MPDZ: variants seen among roughly 807,000 people sequenced by gnomAD.
MPDZ encodes multiple PDZ domain protein.
MPDZ carries 234 observed loss-of-function variants against 239.1 expected under a neutral mutation model. The observed-to-expected ratio is 0.98, with a 90% CI of 0.88 to 1.09. MPDZ has a LOEUF of 1.09. Among genes scored for constraint, MPDZ ranks in the 50% least tolerant of loss-of-function variants. The pLI is 0.00. For synonymous variants in MPDZ, 1,048 were observed against 881.3 expected, an observed-to-expected ratio of 1.19 and a Z score of -3.35; for missense variants, 3,175 against 2,510.0, an observed-to-expected ratio of 1.26 and a Z score of -5.66.
Position 13,130,453 on chromosome 9 carries a change from A to T in MPDZ, c.4464+3371T>A, listed in dbSNP as rs956226107. Among the ~76,000 whole-genome samples the T allele has an allele frequency of 4.6e-3, 5 of 1,076 alleles. No homozygotes were observed. In the Admixed American group the frequency reaches 0.068, roughly 15 times the overall value. The allele number at this position is 1,076 out of a possible 152,430, so 0.7% of individuals were successfully genotyped here. A position where few individuals can be genotyped will look rare whatever the true frequency, so the allele number is the denominator to read the frequency against. The stretch of plus-strand genomic sequence containing the variant: ...GTTCATTCACTCTTCCTTCGCAGAT[A>T]CTTACAGTCTGAACTATGTTGATGA... On this transcript the variant is annotated intron_variant, in intron 32 of 46. Transcript: ENST00000319217.
chr9:13,268,812 G>A (rs892270662), intron 1 of MPDZ, among the ~76,000 whole-genome samples: 2 of 152,208 alleles, frequency 1.3e-5, no homozygotes, highest in African/African-American at 2.4e-5. Context: ...GAGCTAGGAA[G>A]GTAATGTTTC....
intron 3 of MPDZ, among the ~76,000 whole-genome samples, chr9:13,245,746 T>C (rs971612881): frequency 6.6e-6 from 1 of 152,168 alleles, no homozygotes; most frequent in Admixed American, 6.5e-5. Context: ...AATTTCCAAG[T>C]AGGTTTCATC....
At chr9:13,175,389 A>G (rs1952332280) in intron 21 of MPDZ, among the ~76,000 whole-genome samples, 1 of 152,216 alleles carries the variant, frequency 6.6e-6, no homozygotes, top group Admixed American at 6.5e-5. Flanking sequence ...GTACATTCAA[A>G]GTAACTAATA....
At chr9:13,257,209 T>C (rs993061136) in intron 1 of MPDZ, among the ~76,000 whole-genome samples, 2 of 152,192 alleles carry the variant, frequency 1.3e-5, no homozygotes, top group African/African-American at 4.8e-5. Context: ...ATGAATTCAA[T>C]ATCTGTTAGG....
chr9:13,225,035 A>G (rs1319570168), intron 3 of MPDZ, among the ~76,000 whole-genome samples: 1 of 152,116 alleles, frequency 6.6e-6, no homozygotes, highest in African/African-American at 2.4e-5. Context: ...CTGAATTTTA[A>G]TCATATAGGC....
At chr9:13,159,683 A>G (rs868165410) in intron 23 of MPDZ, among the ~76,000 whole-genome samples, 12 of 152,228 alleles carry the variant, frequency 7.9e-5, no homozygotes, top group African/African-American at 2.9e-4. Flanking sequence ...ATTCAGAAAC[A>G]CCGTAGCCAC....
chr9:13,200,681 A>C (rs1207366977), intron 12 of MPDZ, among the ~76,000 whole-genome samples: 1 of 152,072 alleles, frequency 6.6e-6, no homozygotes, highest in African/African-American at 2.4e-5. Context: ...TTCACTGTTC[A>C]GAAGCATAGT....
At chr9:13,244,944 A>T (rs1326197497) in intron 3 of MPDZ, among the ~76,000 whole-genome samples, 1 of 152,134 alleles carries the variant, frequency 6.6e-6, no homozygotes, top group African/African-American at 2.4e-5. Context: ...AGGGAGAATC[A>T]GAGGGTCGTA....
At position 13,149,241 on chromosome 9, in the gene MPDZ, T is replaced by C. The variant is rs561723278; in HGVS notation, c.3630+1270A>G. Among the ~76,000 whole-genome samples, 504 of 152,086 alleles carry C rather than the reference T, an allele frequency of 3.3e-3. 2 individuals are homozygous for C. Among genetic ancestry groups the C allele is most frequent in the African/African-American group, 0.011 (476 of 41,526 alleles). On this transcript the variant is annotated intron_variant, in intron 25 of 46. Coordinates refer to ENST00000319217, the MANE Select transcript of MPDZ (RefSeq NM_001378778.1). ...GTTTTCGCTCAGGTCCCAATCTTCT[T>C]CCGTCTAAGGCTCTCAAAGACAGCC...
intron 38 of MPDZ, 92 bp from the exon 39 acceptor site, chr9:13,119,741 TA>T (rs1944047313): frequency 6.7e-7 from 1 of 1,483,870 alleles, no homozygotes; most frequent in African/African-American, 1.4e-5. Flanking sequence ...CCAAAATTTT[TA>T]CTTGTTTTTA....
intron 12 of MPDZ, 74 bp downstream of exon 12, chr9:13,204,961 TA>T: frequency 9.9e-7 from 1 of 1,007,176 alleles, no homozygotes; most frequent in South Asian, 2.3e-5. Context: ...CATAGAGGCT[TA>T]ATCACATTTG....
chr9:13,160,990 G>A lies in MPDZ; in HGVS notation c.3359+1701C>T, dbSNP rs192996632. ...GCGAATACTACACCCTTTTATATAAGGGATTGAGCATCTGTGGATTTTGGT... is the reference window on the plus strand; with the variant it reads ...GCGAATACTACACCCTTTTATATAAAGGATTGAGCATCTGTGGATTTTGGT... On this transcript the variant is annotated intron_variant, in intron 23 of 46. Transcript: ENST00000319217. 1.8e-3 allele frequency among the ~76,000 whole-genome samples: 268 copies of A among 150,956 alleles called. 1 individual carries two copies. Among genetic ancestry groups the A allele is most frequent in the African/African-American group, 6.1e-3 (252 of 41,176 alleles).
At chr9:13,195,460 G>C (rs1046659656) in intron 13 of MPDZ, among the ~76,000 whole-genome samples, 1 of 152,118 alleles carries the variant, frequency 6.6e-6, no homozygotes, top group South Asian at 2.1e-4. Flanking sequence ...CAAGAAATAT[G>C]AAAAATTCTA....
At position 13,122,308 on chromosome 9, in the gene MPDZ, A is replaced by G. The variant is rs901913261; in HGVS notation, c.4954-138T>C. 9 of 724,796 alleles carry G rather than the reference A, an allele frequency of 1.2e-5. No homozygotes were observed. In the East Asian group the frequency reaches 1.4e-4, roughly 11 times the overall value. 44.9% of individuals were successfully genotyped at this position (724,796 alleles called of 1,614,324 possible). A position where few individuals can be genotyped will look rare whatever the true frequency, so the allele number is the denominator to read the frequency against. On this transcript the variant is annotated intron_variant, in intron 36 of 46. Coordinates refer to ENST00000319217, the MANE Select transcript of MPDZ (RefSeq NM_001378778.1). ...TCTGGCTCTACAGTACAAGCTCCAT[A>G]TAATTCAAGGGAAAGTGTAACAACA...
At chr9:13,183,944 C>T (rs1322108493) in intron 18 of MPDZ, among the ~76,000 whole-genome samples, 1 of 151,950 alleles carries the variant, frequency 6.6e-6, no homozygotes, top group East Asian at 1.9e-4. Context: ...AAAATTGTGT[C>T]ATAATTTTTC....
At chr9:13,132,549 G>C (rs1946157397) in intron 32 of MPDZ, among the ~76,000 whole-genome samples, 1 of 152,162 alleles carries the variant, frequency 6.6e-6, no homozygotes, top group South Asian at 2.1e-4. Context: ...GAAAACATCA[G>C]AGAAAATCAG....
chr9:13,256,579 A>G (rs966629494), intron 1 of MPDZ, among the ~76,000 whole-genome samples: 1 of 152,134 alleles, frequency 6.6e-6, no homozygotes, highest in Non-Finnish European at 1.5e-5. Flanking sequence ...GTGTCAGGGA[A>G]TAGAGAGGCC....
chr9:13,162,882 T>A lies in MPDZ; in HGVS notation c.3255-87A>T, dbSNP rs566500493. On this transcript the variant is annotated intron_variant, in intron 22 of 46. Coordinates refer to ENST00000319217, the MANE Select transcript of MPDZ (RefSeq NM_001378778.1). Reference sequence around the variant, plus strand: ...AAGCTTCTAAAATAAAGGAAACAAATCATATTGTCCCTTTCTCCCTACTTT... The same window carrying A: ...AAGCTTCTAAAATAAAGGAAACAAAACATATTGTCCCTTTCTCCCTACTTT... 1.6e-5 allele frequency: 14 copies of A among 849,184 alleles called. No homozygotes were observed. The South Asian group carries it at 2.2e-4, about 14-fold the overall frequency. The allele number at this position is 849,184 out of a possible 1,614,324, so 52.6% of individuals were successfully genotyped here.
chr9:13,267,737 C>A (rs1429537157), intron 1 of MPDZ, among the ~76,000 whole-genome samples: 1 of 152,014 alleles, frequency 6.6e-6, no homozygotes, highest in Non-Finnish European at 1.5e-5. Context: ...ATTGAGGAAG[C>A]TGAAAGGGAG....
Sources: allele counts gnomAD v4.1 joint callset (sites outside exome capture counted in the v4.1 genomes callset), GRCh38; gene constraint gnomAD v4.1.1; transcripts MANE v1.5; gene names NCBI Gene and HGNC (gene_info 2026-07-23, HGNC 2026-07-21).